HAPSTR1: variants seen among roughly 807,000 people sequenced by gnomAD.
HAPSTR1 encodes the protein HUWE1-associated protein modifying stress responses 1.
the HAPSTR1 span, chr16:9,111,632 T>C: frequency 2.6e-5 from 4 of 152,142 alleles, no homozygotes; most frequent in African/African-American, 9.7e-5. Context: ...TTCATTGCAG[T>C]GAAAAGGGCC....
chr16:9,103,084 A>G, the HAPSTR1 span: 1 of 1,614,188 alleles, frequency 6.2e-7, no homozygotes, highest in Non-Finnish European at 8.5e-7. Context: ...AACGCAGAAG[A>G]ACTATTCGTC....
the HAPSTR1 span, among the ~76,000 whole-genome samples, chr16:9,116,191 G>A: frequency 6.6e-6 from 1 of 152,142 alleles, no homozygotes; most frequent in African/African-American, 2.4e-5. Flanking sequence ...TTATCTAGAG[G>A]GGATGTTGGA....
chr16:9,092,475 C>A, the HAPSTR1 span, among the ~76,000 whole-genome samples: 1 of 152,164 alleles, frequency 6.6e-6, no homozygotes, highest in Non-Finnish European at 1.5e-5. Context: ...CAGGCCAGAG[C>A]CGGCGTGGGG....
the HAPSTR1 span, among the ~76,000 whole-genome samples, chr16:9,092,606 CG>C: frequency 5.4e-3 from 823 of 152,158 alleles, 9 homozygotes; most frequent in African/African-American, 0.019. Flanking sequence ...AGGGAGACGG[CG>C]GGGCGGCCCC....
the HAPSTR1 span, chr16:9,103,114 C>T: frequency 2.5e-6 from 4 of 1,614,156 alleles, no homozygotes; most frequent in South Asian, 4.4e-5. Context: ...TGATCAGCTT[C>T]CTGTGTGGAA....
chr16:9,096,557 C>A, the HAPSTR1 span, among the ~76,000 whole-genome samples: 1 of 152,134 alleles, frequency 6.6e-6, no homozygotes, highest in African/African-American at 2.4e-5. Flanking sequence ...GAGAACTGAG[C>A]ATAACTGTAA....
the HAPSTR1 span, among the ~76,000 whole-genome samples, chr16:9,099,784 C>T: frequency 6.6e-6 from 1 of 152,168 alleles, no homozygotes; most frequent in Admixed American, 6.5e-5. Context: ...CCACTGTACA[C>T]TAGTTTGTCC....
At chr16:9,107,489 C>T in the HAPSTR1 span, 2 of 152,306 alleles carry the variant, frequency 1.3e-5, no homozygotes, top group Admixed American at 6.5e-5. Flanking sequence ...CTCTCACTTT[C>T]CAGTCCTGAG....
the HAPSTR1 span, among the ~76,000 whole-genome samples, chr16:9,095,075 T>C: frequency 1.3e-5 from 2 of 152,246 alleles, no homozygotes; most frequent in African/African-American, 2.4e-5. Context: ...ACATCACATA[T>C]GATTCTTGGA....
chr16:9,094,113 T>C, the HAPSTR1 span, among the ~76,000 whole-genome samples: 7 of 152,140 alleles, frequency 4.6e-5, no homozygotes, highest in African/African-American at 1.2e-4. Flanking sequence ...GGAAAAAATA[T>C]CTCCTTGTGA....
At chr16:9,098,570 C>T in the HAPSTR1 span, among the ~76,000 whole-genome samples, 5 of 152,148 alleles carry the variant, frequency 3.3e-5, no homozygotes, top group African/African-American at 1.2e-4. Flanking sequence ...TAGTCCAGCA[C>T]TTGAGGCTGA....
At chr16:9,113,662 ATT>A in the HAPSTR1 span, among the ~76,000 whole-genome samples, 1 of 152,172 alleles carries the variant, frequency 6.6e-6, no homozygotes, top group Non-Finnish European at 1.5e-5. Context: ...ACGTGCCCAT[ATT>A]TTGCCATAAT....
the HAPSTR1 span, chr16:9,111,550 G>A: frequency 1.3e-5 from 2 of 152,110 alleles, no homozygotes; most frequent in Non-Finnish European, 2.9e-5. Flanking sequence ...TGTGGAGGTC[G>A]GACATAAAGC....
At chr16:9,113,004 G>C in the HAPSTR1 span, 2 of 102,670 alleles carry the variant, frequency 1.9e-5, no homozygotes, top group South Asian at 5.0e-4. Flanking sequence ...CGTACAACTT[G>C]GTTTTTTTTT....
chr16:9,110,254 G>T, the HAPSTR1 span: 1 of 150,088 alleles, frequency 6.7e-6, no homozygotes, highest in Non-Finnish European at 1.5e-5. Context: ...AATATTCTTG[G>T]ATTTGGAGAA....
chr16:9,118,524 T>C, the HAPSTR1 span: 1 of 152,636 alleles, frequency 6.6e-6, no homozygotes, highest in Non-Finnish European at 1.5e-5. Flanking sequence ...GTAGCCCTTA[T>C]TTAAAAAAGT....
the HAPSTR1 span, among the ~76,000 whole-genome samples, chr16:9,093,986 A>G: frequency 2.2e-4 from 33 of 152,142 alleles, no homozygotes; most frequent in African/African-American, 6.5e-4. Flanking sequence ...CAATATTGGT[A>G]TTTTTGCCAT....
At chr16:9,094,008 C>A in the HAPSTR1 span, among the ~76,000 whole-genome samples, 1 of 151,888 alleles carries the variant, frequency 6.6e-6, no homozygotes, top group Admixed American at 6.6e-5. Context: ...TATATTTAGG[C>A]CATATATAGG....
chr16:9,103,830 C>G, the HAPSTR1 span: 1 of 153,118 alleles, frequency 6.5e-6, no homozygotes, highest in Admixed American at 6.5e-5. Context: ...GGATCTCTAT[C>G]TCCCCAGGCC....
Sources: gnomAD v4.1 joint callset for allele counts (sites outside exome capture counted in the v4.1 genomes callset) on GRCh38, gnomAD v4.1.1 for gene constraint, MANE v1.5 for transcripts, NCBI Gene and HGNC (gene_info 2026-07-23, HGNC 2026-07-21) for gene names.